The following SGMS1 variants were observed in gnomAD, a reference collection of about 807,000 sequenced individuals.
SGMS1 encodes the protein phosphatidylcholine:ceramide cholinephosphotransferase 1.
SGMS1 carries 13 observed loss-of-function variants against 46.2 expected under a neutral mutation model. That is an observed-to-expected ratio of 0.28 (90% confidence interval 0.18 to 0.45). The LOEUF is 0.45. Among genes scored for constraint, SGMS1 ranks in the 20% least tolerant of loss-of-function variants. SGMS1 has a pLI of 1.00. For missense variants in SGMS1, 324 were observed against 519.9 expected (o/e 0.62, Z 3.66); for synonymous variants, 203 against 187.8 (o/e 1.08, Z -0.66).
At chr10:50,480,836 G>C (rs1837470276) in intron 3 of SGMS1, among the ~76,000 whole-genome samples, 1 of 152,176 alleles carries the variant, frequency 6.6e-6, no homozygotes, top group Non-Finnish European at 1.5e-5. Context: ...CAGTGCTAAA[G>C]AGACTGGGCA....
chr10:50,436,398 C>A (rs1231367441), intron 5 of SGMS1, among the ~76,000 whole-genome samples: 2 of 152,118 alleles, frequency 1.3e-5, no homozygotes, highest in African/African-American at 4.8e-5. Context: ...TTTGAACCAC[C>A]CATTTGGTGG....
chr10:50,462,350 G>A (rs1371341588), intron 4 of SGMS1, among the ~76,000 whole-genome samples: 1 of 152,100 alleles, frequency 6.6e-6, no homozygotes, highest in Non-Finnish European at 1.5e-5. Context: ...TAAACCCAAA[G>A]ATAAAGTCAA....
At chr10:50,314,913 C>T (rs1214975745) in intron 8 of SGMS1, among the ~76,000 whole-genome samples, 2 of 152,002 alleles carry the variant, frequency 1.3e-5, no homozygotes, top group Non-Finnish European at 2.9e-5. Flanking sequence ...AAAGTGAGAC[C>T]CTGTCTCTAA....
chr10:50,348,622 C>T (rs1394429473), intron 6 of SGMS1, among the ~76,000 whole-genome samples: 3 of 152,072 alleles, frequency 2.0e-5, no homozygotes, highest in African/African-American at 4.8e-5. Flanking sequence ...ATGTGAAGGA[C>T]CTCTTCAAGG....
intron 6 of SGMS1, among the ~76,000 whole-genome samples, chr10:50,365,261 A>AAAAAAAAAAAAAAAAAAAAC (rs1848318158): frequency 6.8e-6 from 1 of 148,030 alleles, no homozygotes; most frequent in African/African-American, 2.4e-5. Context: ...TCACCAAAAA[A>AAAAAAAAAAAAAAAAAAAAC]AAAAAAAAAA....
chr10:50,554,954 C>T (rs1838178250), intron 2 of SGMS1, among the ~76,000 whole-genome samples: 1 of 152,188 alleles, frequency 6.6e-6, no homozygotes, highest in African/African-American at 2.4e-5. Context: ...CTGGGAGATG[C>T]CTGAGAGGCT....
At chr10:50,533,108 A>T (rs1434713933) in intron 2 of SGMS1, among the ~76,000 whole-genome samples, 1 of 152,182 alleles carries the variant, frequency 6.6e-6, no homozygotes, top group Non-Finnish European at 1.5e-5. Flanking sequence ...AACATAGAAT[A>T]TTTTTAAATA....
intron 2 of SGMS1, among the ~76,000 whole-genome samples, chr10:50,552,898 C>G (rs77657518): frequency 0.012 from 1,789 of 152,166 alleles, 35 homozygotes; most frequent in African/African-American, 0.041. Flanking sequence ...AGTGTGAACA[C>G]CAGAGCAAAG....
At chr10:50,427,407 C>A (rs573989563) in intron 6 of SGMS1, among the ~76,000 whole-genome samples, 2 of 152,176 alleles carry the variant, frequency 1.3e-5, no homozygotes, top group South Asian at 2.1e-4. Context: ...ACAACAACAA[C>A]CAAAAAGAAC....
intron 6 of SGMS1, among the ~76,000 whole-genome samples, chr10:50,377,817 A>C (rs1564894863): frequency 6.6e-6 from 1 of 152,154 alleles, no homozygotes; most frequent in East Asian, 1.9e-4. Context: ...TCTGGTGGCT[A>C]CTGGCATTCC....
At chr10:50,611,048 G>A (rs1198630300) in intron 1 of SGMS1, among the ~76,000 whole-genome samples, 1 of 152,184 alleles carries the variant, frequency 6.6e-6, no homozygotes, top group South Asian at 2.1e-4. Context: ...GATAAGATCA[G>A]GTAGAAACAC....
At chr10:50,624,643 G>A (rs1838900801), upstream of SGMS1, 2 of 985,332 alleles carry the variant, frequency 2.0e-6, no homozygotes, top group East Asian at 2.3e-4. Context: ...CGAAAACCCG[G>A]AGAGCGGCTA....
intron 1 of SGMS1, among the ~76,000 whole-genome samples, chr10:50,616,620 A>C (rs1838800366): frequency 6.6e-6 from 1 of 152,202 alleles, no homozygotes; most frequent in Non-Finnish European, 1.5e-5. Context: ...AGGGCCTACC[A>C]GGGGTGAGTA....
intron 3 of SGMS1, among the ~76,000 whole-genome samples, chr10:50,475,833 C>T (rs1006388995): frequency 6.6e-6 from 1 of 152,036 alleles, no homozygotes; most frequent in Admixed American, 6.6e-5. Flanking sequence ...TGTTAAATTT[C>T]CTTAGGCCTC....
chr10:50,465,489 A>G (rs190722248), intron 4 of SGMS1, among the ~76,000 whole-genome samples: 55 of 152,328 alleles, frequency 3.6e-4, no homozygotes, highest in African/African-American at 1.2e-3. Context: ...TTTTAAAAAC[A>G]AAATATCCAT....
intron 6 of SGMS1, among the ~76,000 whole-genome samples, chr10:50,379,031 A>G (rs1848562622): frequency 1.3e-5 from 2 of 152,232 alleles, no homozygotes; most frequent in Admixed American, 1.3e-4. Flanking sequence ...AAAGTATGAA[A>G]TAGTAGACAA....
At chr10:50,620,457 CA>C (rs1193887909) in intron 1 of SGMS1, among the ~76,000 whole-genome samples, 2 of 152,200 alleles carry the variant, frequency 1.3e-5, no homozygotes, top group Non-Finnish European at 2.9e-5. Context: ...CACAAGGACA[CA>C]AGAGCCACTG....
At chr10:50,533,054 G>C (rs939346154) in intron 2 of SGMS1, among the ~76,000 whole-genome samples, 1 of 152,042 alleles carries the variant, frequency 6.6e-6, no homozygotes, top group African/African-American at 2.4e-5. Context: ...CAAAGGATGA[G>C]ATATTGATCT....
intron 6 of SGMS1, among the ~76,000 whole-genome samples, chr10:50,418,890 T>G (rs930345353): frequency 6.6e-6 from 1 of 152,238 alleles, no homozygotes; most frequent in African/African-American, 2.4e-5. Flanking sequence ...ATGCAGTTTC[T>G]CTTTCTGCTG....
Sources: gnomAD v4.1 joint callset for allele counts (sites outside exome capture counted in the v4.1 genomes callset) on GRCh38, gnomAD v4.1.1 for gene constraint, MANE v1.5 for transcripts, NCBI Gene and HGNC (gene_info 2026-07-23, HGNC 2026-07-21) for gene names.